The following PNLIPRP3 variants were observed in gnomAD, a reference collection of about 807,000 sequenced individuals.
The protein encoded by PNLIPRP3 is pancreatic lipase-related protein 3.
In PNLIPRP3, 58 loss-of-function variants were observed where a neutral mutation model predicts 52.8. The ratio of observed to expected loss-of-function variants is 1.10; its 90% CI spans 0.89 to 1.37. The LOEUF (loss-of-function observed/expected upper bound fraction) is 1.37. PNLIPRP3 is among the 40% of genes most tolerant of loss of function. The probability of loss-of-function intolerance (pLI) is 0.00; values close to 1 mark genes in which losing one functional copy is unlikely to be tolerated. For synonymous variants in PNLIPRP3, 192 were observed against 185.0 expected, an observed-to-expected ratio of 1.04 and a Z score of -0.31; for missense variants, 593 against 561.6, an observed-to-expected ratio of 1.06 and a Z score of -0.57.
intron 2 of PNLIPRP3, among the ~76,000 whole-genome samples, chr10:116,441,526 T>C (rs1247713148): frequency 6.6e-6 from 1 of 152,152 alleles, no homozygotes; most frequent in Admixed American, 6.5e-5. Flanking sequence ...CTTAGAGACA[T>C]AGATGGAATC....
intron 7 of PNLIPRP3, among the ~76,000 whole-genome samples, chr10:116,465,331 T>C (rs1846261822): frequency 6.6e-6 from 1 of 152,008 alleles, no homozygotes; most frequent in African/African-American, 2.4e-5. Context: ...CGAGGTCAGA[T>C]CAAGACCATC....
At chr10:116,456,297 T>C (rs1846112362) in intron 5 of PNLIPRP3, among the ~76,000 whole-genome samples, 1 of 152,138 alleles carries the variant, frequency 6.6e-6, no homozygotes, top group Non-Finnish European at 1.5e-5. Flanking sequence ...TTAACAATAA[T>C]TTATTACATG....
At chr10:116,460,597 T>C (rs977964580) in intron 5 of PNLIPRP3, among the ~76,000 whole-genome samples, 4 of 152,230 alleles carry the variant, frequency 2.6e-5, no homozygotes, top group African/African-American at 9.6e-5. Context: ...TCTTTACACA[T>C]CAAAGAGTGG....
intron 4 of PNLIPRP3, among the ~76,000 whole-genome samples, chr10:116,445,161 T>TA (rs142344556): frequency 0.03 from 4,531 of 152,276 alleles, 231 homozygotes; most frequent in African/African-American, 0.1. Context: ...ACTCTGCACT[T>TA]ACTGTGGGCT....
chr10:116,439,694 A>G (rs1343893725), intron 2 of PNLIPRP3: 7 of 768,704 alleles, frequency 9.1e-6, no homozygotes, highest in Non-Finnish European at 1.7e-5. Context: ...TCTCCAATAG[A>G]GAAGCCAGGG....
intron 1 of PNLIPRP3, among the ~76,000 whole-genome samples, chr10:116,428,830 G>A (rs940679082): frequency 2.6e-5 from 4 of 152,098 alleles, no homozygotes; most frequent in African/African-American, 9.7e-5. Context: ...AAAGTATCAC[G>A]TAGTTGGTTG....
At chr10:116,465,395 C>A (rs1193731220) in intron 7 of PNLIPRP3, among the ~76,000 whole-genome samples, 1 of 151,786 alleles carries the variant, frequency 6.6e-6, no homozygotes, top group Non-Finnish European at 1.5e-5. Context: ...AATTAGCCGG[C>A]GTGGTGGTGG....
At chr10:116,473,947 CCA>C (rs1491465387) in intron 10 of PNLIPRP3, among the ~76,000 whole-genome samples, 4 of 29,354 alleles carry the variant, frequency 1.4e-4, no homozygotes, top group South Asian at 2.1e-3. Flanking sequence ...TCATATGGAA[CCA>C]AAAAAAAAAA....
intron 1 of PNLIPRP3, among the ~76,000 whole-genome samples, chr10:116,435,423 T>C (rs1234187654): frequency 7.6e-6 from 1 of 131,758 alleles, no homozygotes; most frequent in African/African-American, 2.9e-5. Flanking sequence ...TTTAAATTTA[T>C]AATAGAAGCC....
chr10:116,469,447 C>A (rs959385369), intron 9 of PNLIPRP3, 130 bp downstream of exon 9: 5 of 901,804 alleles, frequency 5.5e-6, no homozygotes, highest in Non-Finnish European at 4.7e-6. Context: ...AAGAACAACA[C>A]AGTGAGGTCT....
Position 116,477,268 on chromosome 10 carries a change from G to A in PNLIPRP3, c.*115G>A, listed in dbSNP as rs1205489001. The stretch of plus-strand genomic sequence containing the variant: ...TGTAAATGACTTAGTCATTTACAAG[G>A]GTCTTACTCAGAGTCAAGTACGGGT... On this transcript the variant is annotated 3_prime_UTR_variant, in exon 12 of 12. Transcript: ENST00000369230. The A allele has an allele frequency of 6.5e-6, 5 of 767,142 alleles. No homozygotes were observed. The East Asian group carries it at 1.1e-4, about 17-fold the overall frequency. 47.5% of individuals were successfully genotyped at this position (767,142 alleles called of 1,614,324 possible). A position where few individuals can be genotyped will look rare whatever the true frequency, so the allele number is the denominator to read the frequency against.
intron 3 of PNLIPRP3, among the ~76,000 whole-genome samples, chr10:116,443,823 A>G (rs1316865589): frequency 1.5e-5 from 2 of 137,146 alleles, no homozygotes; most frequent in Admixed American, 1.5e-4. Flanking sequence ...ATATATATAT[A>G]TATATATATA....
At chr10:116,434,277 A>G (rs1845747354) in intron 1 of PNLIPRP3, among the ~76,000 whole-genome samples, 1 of 152,262 alleles carries the variant, frequency 6.6e-6, no homozygotes, top group Non-Finnish European at 1.5e-5. Flanking sequence ...ATTCACCATT[A>G]ATATTTTGGT....
intron 5 of PNLIPRP3, among the ~76,000 whole-genome samples, chr10:116,456,235 A>G (rs570995795): frequency 1.3e-5 from 2 of 152,344 alleles, no homozygotes; most frequent in South Asian, 4.1e-4. Context: ...AACAGGTACA[A>G]AAATCCATAG....
At chr10:116,470,458 A>G (rs1846350657) in intron 9 of PNLIPRP3, among the ~76,000 whole-genome samples, 1 of 152,030 alleles carries the variant, frequency 6.6e-6, no homozygotes, top group Admixed American at 6.6e-5. Flanking sequence ...CCAAGGAAAG[A>G]AAGTTGAGCA....
rs148138553 is a variant in PNLIPRP3 at position 116,455,748 on chromosome 10, A to G, written c.483A>G (p.Lys161=). 327 of 1,614,002 alleles carry G rather than the reference A, an allele frequency of 2.0e-4. No individual in the cohort carries two copies. The highest frequency in any genetic ancestry group is 2.7e-4 in the Non-Finnish European group (318 of 1,179,940). ...LMKKFEYSPS[K]VHLIGHSLGA... ...AAAAATTTGAATATTCCCCTTCTAA[A>G]GTGCACTTGATTGGCCACAGCTTGG... The change falls in exon 5 of 12, where the codon AAA becomes AAG. Residue 161 remains lysine (K), a synonymous_variant. Coordinates refer to ENST00000369230, the MANE Select transcript of PNLIPRP3 (RefSeq NM_001011709.3).
intron 4 of PNLIPRP3, among the ~76,000 whole-genome samples, chr10:116,448,690 G>GTGTTTTGTTT (rs55781366): frequency 0.022 from 3,280 of 147,728 alleles, 104 homozygotes; most frequent in African/African-American, 0.07. Context: ...CTATAAAAAG[G>GTGTTTTGTTT]TGTTTTGTTT....
intron 4 of PNLIPRP3, among the ~76,000 whole-genome samples, chr10:116,446,439 A>C (rs1420174983): frequency 1.3e-5 from 2 of 151,852 alleles, no homozygotes; most frequent in Admixed American, 6.6e-5. Flanking sequence ...TTATTCACAT[A>C]TGTAAATGAG....
chr10:116,457,852 G>A (rs1039986679), intron 5 of PNLIPRP3, among the ~76,000 whole-genome samples: 6 of 152,050 alleles, frequency 3.9e-5, no homozygotes, highest in African/African-American at 1.4e-4. Context: ...TTCCCATCAG[G>A]TGAATTATCC....
Sources: allele counts gnomAD v4.1 joint callset (sites outside exome capture counted in the v4.1 genomes callset), GRCh38; gene constraint gnomAD v4.1.1; transcripts MANE v1.5; gene names NCBI Gene and HGNC (gene_info 2026-07-23, HGNC 2026-07-21).